COL24A1: variants seen among roughly 807,000 people sequenced by gnomAD.
COL24A1 encodes collagen alpha-1(XXIV) chain.
COL24A1 carries 224 observed loss-of-function variants against 253.9 expected under a neutral mutation model. The ratio of observed to expected loss-of-function variants is 0.88; its 90% CI spans 0.79 to 0.99. The LOEUF is 0.99. COL24A1 is among the 50% of genes least tolerant of loss of function. COL24A1 has a pLI of 0.00. For synonymous variants in COL24A1, 685 were observed against 673.7 expected (o/e 1.02, Z -0.26); for missense variants, 2,131 against 2,068.5 (o/e 1.03, Z -0.59).
Position 85,905,567 on chromosome 1 carries a change from A to G in COL24A1, c.2778+1627T>C, listed in dbSNP as rs545780896. Among the ~76,000 whole-genome samples the G allele has an allele frequency of 1.6e-4, 25 of 152,172 alleles. No homozygotes were observed. The East Asian group carries it at 3.3e-3, about 20-fold the overall frequency. On this transcript the variant is annotated intron_variant, in intron 28 of 59. Transcript: ENST00000370571. ...TTTTAAAGCCCTTGTTTCTAAACAA[A>G]TCTTCCTTGTCTGGATACTGGGTAA...
chr1:86,156,165 C>A (rs1436973288), intron 1 of COL24A1, 176 bp downstream of exon 1: 1 of 578,822 alleles, frequency 1.7e-6, no homozygotes, highest in East Asian at 2.9e-5. Flanking sequence ...TCCTTTCAAA[C>A]ACGGTATTTT....
At chr1:85,951,808 T>C (rs1055651547) in intron 24 of COL24A1, among the ~76,000 whole-genome samples, 2 of 152,206 alleles carry the variant, frequency 1.3e-5, no homozygotes, top group African/African-American at 4.8e-5. Flanking sequence ...AGAAAAGTGC[T>C]GAGCATAACA....
chr1:86,142,295 G>T (rs550011978), intron 2 of COL24A1, among the ~76,000 whole-genome samples: 2 of 151,862 alleles, frequency 1.3e-5, no homozygotes, highest in Non-Finnish European at 2.9e-5. Context: ...AGGCCGAGGC[G>T]GGAGGATCAC....
rs748140804 is a variant in COL24A1, at chr1:85,744,768, G to A, written c.4570C>T (p.Leu1524Phe). Residue 1524 changes from leucine to phenylalanine, a missense_variant, in exon 57 of 60, where the codon CTT (leucine) becomes TTT (phenylalanine). Transcript: ENST00000370571. ...TTGATGCTGTGCAATAAATTGCTAA[G>A]GTAGTTCAGGGTTTTGAATATCTCT... ...SEEIFKTLNY[L>F]SNLLHSIKNP... is the part of the protein sequence containing the mutation. 6.2e-6 allele frequency: 10 copies of A among 1,609,688 alleles called. No individual in the cohort carries two copies. In the South Asian group the frequency reaches 9.9e-5, roughly 16 times the overall value.
chr1:86,104,810 A>C (rs987673276), intron 5 of COL24A1, among the ~76,000 whole-genome samples: 1 of 152,338 alleles, frequency 6.6e-6, no homozygotes, highest in East Asian at 1.9e-4. Flanking sequence ...GTGCTAGCCA[A>C]AGTGTTTCAT....
chr1:86,032,195 A>G (rs1698630574), intron 13 of COL24A1, among the ~76,000 whole-genome samples: 2 of 152,264 alleles, frequency 1.3e-5, no homozygotes, highest in Non-Finnish European at 2.9e-5. Context: ...CCTCCTATGT[A>G]TTTAACCAAG....
intron 32 of COL24A1, among the ~76,000 whole-genome samples, chr1:85,878,898 G>C (rs1388919223): frequency 6.6e-6 from 1 of 152,072 alleles, no homozygotes; most frequent in Non-Finnish European, 1.5e-5. Flanking sequence ...TGTGGTGTCT[G>C]TTCAGATTTT....
In COL24A1 at chr1:86,121,130, G is replaced by A. The variant is rs530286724; in HGVS notation, c.1491+3715C>T. ...CACAGGGTGGGGAACATCACACACC[G>A]GGGACTGTCATGGGGTGAAGGGCAG... On this transcript the variant is annotated intron_variant, in intron 3 of 59. Coordinates refer to ENST00000370571, the MANE Select transcript of COL24A1 (RefSeq NM_152890.7). Among the ~76,000 whole-genome samples, 426 of 152,214 alleles carry A rather than the reference G, an allele frequency of 2.8e-3. 2 individuals are homozygous for A. The highest frequency in any genetic ancestry group is 9.9e-3 in the African/African-American group (411 of 41,526).
rs554058651 is a variant in COL24A1 at position 85,882,686 on chromosome 1, A to G, written c.2977-5511T>C. On this transcript the variant is annotated intron_variant, in intron 32 of 59. Coordinates refer to ENST00000370571, the MANE Select transcript of COL24A1 (RefSeq NM_152890.7). ...AATTTTCTGCCTGCTGGGTCTCTCA[A>G]TTACTGATAGAGGGGTGTTATTGTC... Among the ~76,000 whole-genome samples the G allele has an allele frequency of 5.9e-5, 9 of 152,220 alleles. No homozygotes were observed. The South Asian group carries it at 1.5e-3, about 25-fold the overall frequency.
chr1:85,816,940 T>C (rs367627193), intron 46 of COL24A1, 45 bp from the exon 47 acceptor site: 27 of 1,337,118 alleles, frequency 2.0e-5, no homozygotes, highest in Non-Finnish European at 2.8e-5. Flanking sequence ...GCTGAAAAGA[T>C]GTTAAGATGA....
At chr1:86,108,003 T>C (rs915160877) in intron 5 of COL24A1, among the ~76,000 whole-genome samples, 2 of 152,172 alleles carry the variant, frequency 1.3e-5, no homozygotes, top group African/African-American at 4.8e-5. Context: ...ATCCCTCATA[T>C]GTGAGTTCAT....
chr1:86,147,097 CG>C (rs1442205086), intron 1 of COL24A1, among the ~76,000 whole-genome samples: 3 of 151,998 alleles, frequency 2.0e-5, no homozygotes, highest in African/African-American at 7.2e-5. Context: ...AATGCAGTTC[CG>C]CAAGGAGTGA....
At chr1:85,773,252 A>T (rs369437570) in intron 53 of COL24A1, among the ~76,000 whole-genome samples, 1 of 152,172 alleles carries the variant, frequency 6.6e-6, no homozygotes, top group Non-Finnish European at 1.5e-5. Context: ...TAACAGTACC[A>T]TGCTGTTTTG....
intron 24 of COL24A1, among the ~76,000 whole-genome samples, chr1:85,918,138 T>C (rs1279159326): frequency 6.6e-6 from 1 of 151,852 alleles, no homozygotes; most frequent in African/African-American, 2.4e-5. Flanking sequence ...TGTTTTTTTT[T>C]TTGGCCTTAT....
At chr1:85,908,076 T>A (rs1363363004) in intron 27 of COL24A1, among the ~76,000 whole-genome samples, 2 of 151,750 alleles carry the variant, frequency 1.3e-5, no homozygotes, top group Non-Finnish European at 3.0e-5. Flanking sequence ...TAAAGGCCGA[T>A]CTTGTTCATA....
At chr1:85,840,620 A>G (rs986411578) in intron 42 of COL24A1, among the ~76,000 whole-genome samples, 1 of 152,152 alleles carries the variant, frequency 6.6e-6, no homozygotes, top group East Asian at 1.9e-4. Flanking sequence ...TTTAATTTAC[A>G]TATGGTCTTT....
intron 42 of COL24A1, among the ~76,000 whole-genome samples, chr1:85,839,987 G>A (rs981944941): frequency 4.6e-5 from 7 of 152,104 alleles, no homozygotes; most frequent in Non-Finnish European, 8.8e-5. Context: ...TTATTATAGA[G>A]CATTAATTGA....
chr1:86,132,350 G>C (rs574964109), intron 2 of COL24A1, among the ~76,000 whole-genome samples: 1 of 152,116 alleles, frequency 6.6e-6, no homozygotes, highest in Non-Finnish European at 1.5e-5. Context: ...CTTTTGCTGT[G>C]CAGAAGCTCT....
At chr1:85,778,801 A>T (rs1374763899) in intron 52 of COL24A1, among the ~76,000 whole-genome samples, 1 of 151,866 alleles carries the variant, frequency 6.6e-6, no homozygotes. Flanking sequence ...ATGAAGTTTC[A>T]CCATGTTGGC....
Sources: allele counts gnomAD v4.1 joint callset (sites outside exome capture counted in the v4.1 genomes callset), GRCh38; gene constraint gnomAD v4.1.1; transcripts MANE v1.5; gene names NCBI Gene and HGNC (gene_info 2026-07-23, HGNC 2026-07-21).